The following ETV2 variants were observed in gnomAD, a reference collection of about 807,000 sequenced individuals.
ETV2 encodes ETS translocation variant 2.
ETV2 carries 34 observed loss-of-function variants against 35.7 expected under a neutral mutation model. The ratio of observed to expected loss-of-function variants is 0.95; its 90% confidence interval spans 0.72 to 1.27. The LOEUF is 1.27. ETV2 is among the 50% of genes most tolerant of loss of function. The probability of loss-of-function intolerance (pLI) is 0.00; values close to 1 mark genes in which losing one functional copy is unlikely to be tolerated. For missense variants in ETV2, 512 were observed against 470.5 expected (o/e 1.09, Z -0.82); for synonymous variants, 207 against 203.9 (o/e 1.02, Z -0.13).
chr19:35,642,490 C>A lies in ETV2; in HGVS notation c.30C>A (p.Ser10=). MDLWNWDEA[S]PQEVPPGNKL... is the part of the protein sequence containing the mutation. ...ACCTGTGGAACTGGGATGAGGCATCCCCACAGGAAGTGCCTCCAGGGAACA... is the reference window on the plus strand; with the variant it reads ...ACCTGTGGAACTGGGATGAGGCATCACCACAGGAAGTGCCTCCAGGGAACA... Residue 10 remains serine, a synonymous_variant, in exon 2 of 7, where the codon TCC becomes TCA. Coordinates refer to ENST00000402764, the MANE Select transcript of ETV2 (RefSeq NM_014209.4). This position sits in a 1 kb window ranked among gnomAD's most constrained non-coding sequence, Gnocchi z 4.4. The A allele has an allele frequency of 6.2e-7, 1 of 1,609,368 alleles. No individual in the cohort carries two copies. The highest frequency in any genetic ancestry group is 8.5e-7 in the Non-Finnish European group (1 of 1,177,330).
Position 35,642,956 on chromosome 19 carries a change from T to A in ETV2, c.155-9T>A, listed in dbSNP as rs368413307. On this transcript the variant is annotated splice_polypyrimidine_tract_variant and intron_variant, in intron 3 of 6. Coordinates refer to ENST00000402764, the MANE Select transcript of ETV2 (RefSeq NM_014209.4). The surrounding 1 kb of genome is among the most constrained non-coding windows in gnomAD (Gnocchi z 4.4). ...CTCTTTCATTGCTCACAGTCCTCCC[T>A]AAACTCAGGTACAAGCTCATCCCTG... The A allele has an allele frequency of 1.9e-6, 3 of 1,545,204 alleles. No homozygotes were observed. Among genetic ancestry groups the A allele is most frequent in the Non-Finnish European group, 2.6e-6 (3 of 1,135,450 alleles).
Position 35,643,730 on chromosome 19 carries a change from G to A in ETV2, c.692G>A (p.Arg231Gln). The change falls in exon 5 of 7, where the codon CGA becomes CAA. Residue 231 changes from arginine (R) to glutamine (Q), a missense_variant. Physicochemically the swap from Arg to Gln is conservative, Grantham distance 43. Coordinates refer to ENST00000402764, the MANE Select transcript of ETV2 (RefSeq NM_014209.4). This position sits in a 1 kb window ranked among gnomAD's most constrained non-coding sequence, Gnocchi z 5.0. Reference protein sequence around the residue: ...SPQSDRASLARCPKTNHRGPI... With the variant: ...SPQSDRASLAQCPKTNHRGPI... ...CAGTCGGACCGTGCCAGTTTGGCTC[G>A]ATGCCCCAAAACTAACCACCGAGGT... The A allele has an allele frequency of 6.2e-7, 1 of 1,613,708 alleles. No individual in the cohort carries two copies. Among genetic ancestry groups the A allele is most frequent in the Non-Finnish European group, 8.5e-7 (1 of 1,179,822 alleles).
At position 35,643,753 on chromosome 19, in the gene ETV2, G is replaced by A; in HGVS notation, c.715G>A (p.Gly239Ser). The change falls in exon 5 of 7, where the codon GGT becomes AGT. Residue 239 changes from glycine to serine, a missense_variant and splice_region_variant. Coordinates refer to ENST00000402764, the MANE Select transcript of ETV2 (RefSeq NM_014209.4). The surrounding 1 kb of genome is among the most constrained non-coding windows in gnomAD (Gnocchi z 5.0). ...TCGATGCCCCAAAACTAACCACCGA[G>A]GTGAGAGGGCCGCAAAGACTGCGGG... is the stretch of plus-strand genomic sequence containing the variant. The part of the protein sequence containing the change: ...LARCPKTNHR[G>S]PIQLWQFLLE... 1.9e-6 allele frequency: 3 copies of A among 1,613,530 alleles called. No individual in the cohort carries two copies. Among genetic ancestry groups the A allele is most frequent in the South Asian group, 2.2e-5 (2 of 91,076 alleles).
Position 35,643,833 on chromosome 19 carries a change from C to A in ETV2, c.715+80C>A. ...CCCAGGCACCTAAGGGGGCGGGGCC[C>A]GGGAGACTGACAGTGAGGGGGCGGG... On this transcript the variant is annotated intron_variant, in intron 5 of 6. Coordinates refer to ENST00000402764, the MANE Select transcript of ETV2 (RefSeq NM_014209.4). The surrounding 1 kb of genome is among the most constrained non-coding windows in gnomAD (Gnocchi z 5.0). 1.9e-6 allele frequency: 3 copies of A among 1,577,816 alleles called. No individual in the cohort carries two copies. The highest frequency in any genetic ancestry group is 2.6e-6 in the Non-Finnish European group (3 of 1,165,808).
chr19:35,642,600 C>G lies in ETV2; in HGVS notation c.71-15C>G, dbSNP rs757100906. On this transcript the variant is annotated splice_polypyrimidine_tract_variant and intron_variant, in intron 2 of 6. Coordinates refer to ENST00000402764, the MANE Select transcript of ETV2 (RefSeq NM_014209.4). The surrounding 1 kb of genome is among the most constrained non-coding windows in gnomAD (Gnocchi z 4.4). ...GGTGGGGCCTCTGCTGACCCTAACCCCTTATCGCCTGCAGAAGGAGCCAAA... is the reference window on the plus strand; with the variant it reads ...GGTGGGGCCTCTGCTGACCCTAACCGCTTATCGCCTGCAGAAGGAGCCAAA... 7 of 1,611,660 alleles carry G rather than the reference C, an allele frequency of 4.3e-6. No homozygotes were observed. The African/African-American group carries it at 9.4e-5, about 22-fold the overall frequency.
chr19:35,642,636 G>C lies in ETV2; in HGVS notation c.92G>C (p.Cys31Ser), dbSNP rs1428817044. The change falls in exon 3 of 7, where the codon TGT becomes TCT. Residue 31 changes from cysteine to serine, a missense_variant. Transcript: ENST00000402764. The surrounding 1 kb of genome is among the most constrained non-coding windows in gnomAD (Gnocchi z 4.4). ...AGLEGAKLGF[C>S]FPDLALQGDT... ...GCAGAAGGAGCCAAATTAGGCTTCTGTTTCCCTGATCTGGCACTCCAAGGG... is the reference window on the plus strand; with the variant it reads ...GCAGAAGGAGCCAAATTAGGCTTCTCTTTCCCTGATCTGGCACTCCAAGGG... 10 of 1,608,232 alleles carry C rather than the reference G, an allele frequency of 6.2e-6. No homozygotes were observed. The highest frequency in any genetic ancestry group is 8.5e-6 in the Non-Finnish European group (10 of 1,177,416).
In ETV2 at chr19:35,644,381, C is replaced by T; in HGVS notation, c.828+34C>T. The T allele has an allele frequency of 1.5e-6, 2 of 1,344,572 alleles. No homozygotes were observed. The highest frequency in any genetic ancestry group is 2.1e-6 in the Non-Finnish European group (2 of 960,048). 83.3% of individuals were successfully genotyped at this position (1,344,572 alleles called of 1,614,324 possible). ...GCTCCCCTGCCCAGCCAAATCCGCC[C>T]CGTCTCTTCTAGTTCAATTTAGCTC... is the stretch of plus-strand genomic sequence containing the variant. On this transcript the variant is annotated intron_variant, in intron 6 of 6. Transcript: ENST00000402764. The surrounding 1 kb of genome is among the most constrained non-coding windows in gnomAD (Gnocchi z 4.7).
chr19:35,643,366 G>A lies in ETV2; in HGVS notation c.328G>A (p.Gly110Ser). 1 of 1,574,582 alleles carries A rather than the reference G, an allele frequency of 6.4e-7. No individual in the cohort carries two copies. Among genetic ancestry groups the A allele is most frequent in the South Asian group, 1.2e-5 (1 of 86,402 alleles). ...DSWSGASQTL[G>S]PAPLGPGPIP... ...TTGGAGCGGCGCCTCGCAGACCCTG[G>A]GCCCCGCCCCTCTCGGCCCGGGCCC... The change falls in exon 5 of 7, where the codon GGC becomes AGC. Residue 110 changes from glycine (G) to serine (S), a missense_variant. Physicochemically the swap from Gly to Ser is moderately conservative, Grantham distance 56. Transcript: ENST00000402764. The surrounding 1 kb of genome is among the most constrained non-coding windows in gnomAD (Gnocchi z 5.0).
Position 35,644,719 on chromosome 19 carries a change from T to G in ETV2, c.896T>G (p.Leu299Arg), listed in dbSNP as rs1967720064. The G allele has an allele frequency of 6.2e-7, 1 of 1,606,054 alleles. No homozygotes were observed. Among genetic ancestry groups the G allele is most frequent in the Non-Finnish European group, 8.5e-7 (1 of 1,175,730 alleles). ...GMNYEKLSRG[L>R]RYYYRRDIVR... The stretch of plus-strand genomic sequence containing the variant: ...AATTACGAGAAGCTGAGCCGGGGCC[T>G]TCGCTACTACTATCGCCGCGACATC... The change falls in exon 7 of 7, where the codon CTT (leucine) becomes CGT (arginine). Residue 299 changes from leucine to arginine, a missense_variant. Coordinates refer to ENST00000402764, the MANE Select transcript of ETV2 (RefSeq NM_014209.4). The surrounding 1 kb of genome is among the most constrained non-coding windows in gnomAD (Gnocchi z 4.7).
At position 35,644,455 on chromosome 19, in the gene ETV2, C is replaced by T. The variant is rs1967711641; in HGVS notation, c.828+108C>T. On this transcript the variant is annotated intron_variant, in intron 6 of 6. Coordinates refer to ENST00000402764, the MANE Select transcript of ETV2 (RefSeq NM_014209.4). This position sits in a 1 kb window ranked among gnomAD's most constrained non-coding sequence, Gnocchi z 4.7. The stretch of plus-strand genomic sequence containing the variant: ...CGTAGCCCTCGGCCCCGCCGCTCCC[C>T]GGCCCACTCGAGGCCCCGCCCAACC... 2 of 946,626 alleles carry T rather than the reference C, an allele frequency of 2.1e-6. No individual in the cohort carries two copies. The highest frequency in any genetic ancestry group is 2.2e-5 in the Admixed American group (1 of 45,180). 58.6% of individuals were successfully genotyped at this position (946,626 alleles called of 1,614,324 possible). A position where few individuals can be genotyped will look rare whatever the true frequency, so the allele number is the denominator to read the frequency against.
Position 35,644,644 on chromosome 19 carries a change from T to A in ETV2, c.829-8T>A. ...TTCCCACTCCGACCGAGCGGGCCTC[T>A]GTCCTAGGTGGCTCGGCTGTGGGGC... On this transcript the variant is annotated splice_region_variant and splice_polypyrimidine_tract_variant and intron_variant, in intron 6 of 6. Coordinates refer to ENST00000402764, the MANE Select transcript of ETV2 (RefSeq NM_014209.4). The surrounding 1 kb of genome is among the most constrained non-coding windows in gnomAD (Gnocchi z 4.7). 6.2e-7 allele frequency: 1 copy of A among 1,603,032 alleles called. No individual in the cohort carries two copies. Among genetic ancestry groups the A allele is most frequent in the South Asian group, 1.1e-5 (1 of 89,816 alleles).
In ETV2 at chr19:35,642,985, AGCTTCCCACAGCTGGACTGGG is replaced by A. The variant is rs761689808; in HGVS notation, c.179_199del (p.Phe60_Gly66del). On this transcript the variant is annotated inframe_deletion, in exon 4 of 7. Coordinates refer to ENST00000402764, the MANE Select transcript of ETV2 (RefSeq NM_014209.4). The surrounding 1 kb of genome is among the most constrained non-coding windows in gnomAD (Gnocchi z 4.4). ...CTCAGGTACAAGCTCATCCCTGGCA[AGCTTCCCACAGCTGGACTGGG>A]GCTCCGCGTTACTGCACCCAGAAGT... 1.3e-6 allele frequency: 2 copies of A among 1,574,072 alleles called. No individual in the cohort carries two copies. The highest frequency in any genetic ancestry group is 2.3e-5 in the South Asian group (2 of 85,966).
chr19:35,642,664 C>T lies in ETV2; in HGVS notation c.120C>T (p.Asp40=), dbSNP rs546013638. The T allele has an allele frequency of 6.9e-6, 11 of 1,605,148 alleles. No individual in the cohort carries two copies. The highest frequency in any genetic ancestry group is 9.4e-6 in the Non-Finnish European group (11 of 1,176,042). Residue 40 remains aspartate, a synonymous_variant, in exon 3 of 7, where the codon GAC becomes GAT. Transcript: ENST00000402764. The surrounding 1 kb of genome is among the most constrained non-coding windows in gnomAD (Gnocchi z 4.4). ...FCFPDLALQG[D]TPTATAETCW... is the part of the protein sequence containing the mutation. Reference sequence around the variant, plus strand: ...TCCCTGATCTGGCACTCCAAGGGGACACGCCGACAGCGACAGCAGAGACAT... The same window carrying T: ...TCCCTGATCTGGCACTCCAAGGGGATACGCCGACAGCGACAGCAGAGACAT...
chr19:35,643,663 T>C lies in ETV2; in HGVS notation c.625T>C (p.Tyr209His), dbSNP rs1221862080. The change falls in exon 5 of 7, where the codon TAC becomes CAC. Residue 209 changes from tyrosine (Y) to histidine (H), a missense_variant. Tyr to His is a moderately conservative substitution (Grantham distance 83). Coordinates refer to ENST00000402764, the MANE Select transcript of ETV2 (RefSeq NM_014209.4). This position sits in a 1 kb window ranked among gnomAD's most constrained non-coding sequence, Gnocchi z 5.0. ...HAGGTTSLKR[Y>H]QSSALTVCSE... ...GGGTGGCACCACCTCTTTGAAGCGG[T>C]ACCAGAGCTCAGCTCTCACCGTTTG... The C allele has an allele frequency of 1.2e-6, 2 of 1,613,698 alleles. No homozygotes were observed. The highest frequency in any genetic ancestry group is 1.1e-5 in the South Asian group (1 of 91,078).
In ETV2 at chr19:35,642,472, G is replaced by C. The variant is rs1439319053; in HGVS notation, c.12G>C (p.Trp4Cys). The C allele has an allele frequency of 6.2e-6, 10 of 1,602,566 alleles. No homozygotes were observed. The highest frequency in any genetic ancestry group is 2.7e-5 in the African/African-American group (2 of 74,540). MDL[W>C]NWDEASPQEV... ...CCTTCATCGCATCCATGGACCTGTGGAACTGGGATGAGGCATCCCCACAGG... is the reference window on the plus strand; with the variant it reads ...CCTTCATCGCATCCATGGACCTGTGCAACTGGGATGAGGCATCCCCACAGG... The change falls in exon 2 of 7, where the codon TGG becomes TGC. Residue 4 changes from tryptophan to cysteine, a missense_variant. Coordinates refer to ENST00000402764, the MANE Select transcript of ETV2 (RefSeq NM_014209.4). This position sits in a 1 kb window ranked among gnomAD's most constrained non-coding sequence, Gnocchi z 4.4.
chr19:35,643,306 G>C lies in ETV2; in HGVS notation c.268G>C (p.Asp90His). The C allele has an allele frequency of 6.2e-7, 1 of 1,601,728 alleles. No homozygotes were observed. The highest frequency in any genetic ancestry group is 8.5e-7 in the Non-Finnish European group (1 of 1,176,006). ...PDSQALPWSG[D>H]WTDMACTAWD... ...CTCTCAGGCTCTTCCGTGGTCCGGG[G>C]ACTGGACAGACATGGCGTGCACAGC... The change falls in exon 5 of 7, where the codon GAC becomes CAC. Residue 90 changes from aspartate to histidine, a missense_variant. By Grantham distance (81) the Asp-to-His change is moderately conservative. Transcript: ENST00000402764. This position sits in a 1 kb window ranked among gnomAD's most constrained non-coding sequence, Gnocchi z 5.0.
chr19:35,642,491 C>T lies in ETV2; in HGVS notation c.31C>T (p.Pro11Ser). 5 of 1,610,760 alleles carry T rather than the reference C, an allele frequency of 3.1e-6. No individual in the cohort carries two copies. Among genetic ancestry groups the T allele is most frequent in the Non-Finnish European group, 4.2e-6 (5 of 1,178,112 alleles). Residue 11 changes from proline to serine, a missense_variant, in exon 2 of 7, where the codon CCA becomes TCA. By Grantham distance (74) the Pro-to-Ser change is moderately conservative. Coordinates refer to ENST00000402764, the MANE Select transcript of ETV2 (RefSeq NM_014209.4). This position sits in a 1 kb window ranked among gnomAD's most constrained non-coding sequence, Gnocchi z 4.4. The stretch of plus-strand genomic sequence containing the variant: ...CCTGTGGAACTGGGATGAGGCATCC[C>T]CACAGGAAGTGCCTCCAGGGAACAA... The part of the protein sequence containing the change: MDLWNWDEAS[P>S]QEVPPGNKLA...
rs1053455539 is a variant in ETV2 at position 35,643,515 on chromosome 19, G to A, written c.477G>A (p.Gly159=). Residue 159 remains glycine, a synonymous_variant, in exon 5 of 7, where the codon GGG becomes GGA. Transcript: ENST00000402764. This position sits in a 1 kb window ranked among gnomAD's most constrained non-coding sequence, Gnocchi z 5.0. ...GSNTSWDCSV[G]PDGDTYWGSG... is the part of the protein sequence containing the mutation. Reference sequence around the variant, plus strand: ...ACACCAGCTGGGACTGTTCTGTGGGGCCCGACGGCGATACCTACTGGGGCA... The same window carrying A: ...ACACCAGCTGGGACTGTTCTGTGGGACCCGACGGCGATACCTACTGGGGCA... 2.6e-6 allele frequency: 4 copies of A among 1,549,684 alleles called. No homozygotes were observed. In the African/African-American group the frequency reaches 4.1e-5, roughly 16 times the overall value.
chr19:35,642,340 C>T lies in ETV2; in HGVS notation c.-27-94C>T, dbSNP rs1467795342. 3.0e-6 allele frequency: 2 copies of T among 662,452 alleles called. No individual in the cohort carries two copies. Among genetic ancestry groups the T allele is most frequent in the Admixed American group, 3.0e-5 (1 of 33,638 alleles). 41.0% of individuals were successfully genotyped at this position (662,452 alleles called of 1,614,324 possible). On this transcript the variant is annotated intron_variant, in intron 1 of 6. Transcript: ENST00000402764. This position sits in a 1 kb window ranked among gnomAD's most constrained non-coding sequence, Gnocchi z 4.4. Reference sequence around the variant, plus strand: ...AAGGAGGGAGCGGAGGCCTGGACTCCTGGCTCTGAGGGAAGCTAGGGCTGG... The same window carrying T: ...AAGGAGGGAGCGGAGGCCTGGACTCTTGGCTCTGAGGGAAGCTAGGGCTGG...
Sources: gnomAD v4.1 joint callset for allele counts on GRCh38, gnomAD v4.1.1 for gene constraint, Gnocchi (gnomAD v3.1) non-coding constraint, MANE v1.5 for transcripts, NCBI Gene and HGNC (gene_info 2026-07-23, HGNC 2026-07-21) for gene names.